Variants in DNAH5 observed in about 807,000 individuals in gnomAD.
DNAH5 encodes dynein axonemal heavy chain 5.
A neutral mutation model predicts 518.2 loss-of-function variants in DNAH5; 372 were observed. The ratio of observed to expected loss-of-function variants is 0.72; its 90% CI spans 0.66 to 0.78. The LOEUF (loss-of-function observed/expected upper bound fraction) is 0.78, where lower values mean the gene tolerates loss of function less well. DNAH5 is among the 30% of genes least tolerant of loss of function. The pLI is 0.00. For synonymous variants in DNAH5, 2,039 were observed against 2,025.9 expected (o/e 1.01, Z -0.17); for missense variants, 5,523 against 5,687.0 (o/e 0.97, Z 0.93).
chr5:14,001,904 A>ATT (rs200922477), intron 1 of DNAH5, among the ~76,000 whole-genome samples: 1 of 149,040 alleles, frequency 6.7e-6, no homozygotes, highest in Non-Finnish European at 1.5e-5. Flanking sequence ...GCTGGTGTTA[A>ATT]TTTGTTTTTT....
chr5:13,893,882 G>T (rs1018216087), intron 16 of DNAH5, among the ~76,000 whole-genome samples: 43 of 150,486 alleles, frequency 2.9e-4, no homozygotes, highest in Non-Finnish European at 1.8e-4. Flanking sequence ...ACACTGGCTA[G>T]GAGAGGACAA....
chr5:13,870,749 C>CA lies in DNAH5; in HGVS notation c.3834+17dup. ...CATGTAGAAATATTTCTATAATGAA[C>CA]AAATGATCATTAGTTACCTCAATAG... On this transcript the variant is annotated intron_variant, in intron 24 of 78. Coordinates refer to ENST00000265104, the MANE Select transcript of DNAH5 (RefSeq NM_001369.3). 6.3e-7 allele frequency: 1 copy of CA among 1,596,900 alleles called. No homozygotes were observed. The highest frequency in any genetic ancestry group is 8.6e-7 in the Non-Finnish European group (1 of 1,165,070).
Position 13,835,731 on chromosome 5 carries a change from G to C in DNAH5, c.5882+3625C>G, listed in dbSNP as rs78243970. Among the ~76,000 whole-genome samples the C allele has an allele frequency of 3.9e-3, 594 of 152,212 alleles. 6 individuals carry two copies. Among genetic ancestry groups the C allele is most frequent in the Middle Eastern group, 0.02 (6 of 294 alleles). ...ACCTACTGTTTTCCCCTGTTTACGT[G>C]GTTTTTCTCTCTCTGCTCGGAGCAC... On this transcript the variant is annotated intron_variant, in intron 35 of 78. Coordinates refer to ENST00000265104, the MANE Select transcript of DNAH5 (RefSeq NM_001369.3).
intron 5 of DNAH5, among the ~76,000 whole-genome samples, chr5:13,921,559 C>T (rs1056669486): frequency 7.0e-6 from 1 of 142,848 alleles, no homozygotes. Context: ...TAATCACAAA[C>T]ACAGACTTAT....
Position 13,967,993 on chromosome 5 carries a change from A to G in DNAH5, c.13-36749T>C, listed in dbSNP as rs537394482. On this transcript the variant is annotated intron_variant, in intron 1 of 78. Coordinates refer to the DNAH5 transcript ENST00000681290. Reference sequence around the variant, plus strand: ...GTTTGTGTTGTCTATGATTTCTTTCAGTAGTGTTCTGTAGTTTTCCTTGTA... The same window carrying G: ...GTTTGTGTTGTCTATGATTTCTTTCGGTAGTGTTCTGTAGTTTTCCTTGTA... 2.0e-5 allele frequency among the ~76,000 whole-genome samples: 3 copies of G among 152,278 alleles called. No individual in the cohort carries two copies. In the East Asian group the frequency reaches 5.8e-4, roughly 29 times the overall value.
At position 13,807,466 on chromosome 5, in the gene DNAH5, C is replaced by G. The variant is rs184994973; in HGVS notation, c.7887+125G>C. On this transcript the variant is annotated intron_variant, in intron 47 of 78. Transcript: ENST00000265104. ...AATAATTGAAAGAATGGAAGACGTA[C>G]GTGGGTGATTTATCATGGCTATGAA... The G allele has an allele frequency of 2.6e-4, 220 of 850,174 alleles. No individual in the cohort carries two copies. In the East Asian group the frequency reaches 5.5e-3, roughly 21 times the overall value. 52.7% of individuals were successfully genotyped at this position (850,174 alleles called of 1,614,324 possible). A position where few individuals can be genotyped will look rare whatever the true frequency, so the allele number is the denominator to read the frequency against.
chr5:13,882,489 G>A (rs1167737392), intron 21 of DNAH5, among the ~76,000 whole-genome samples: 1 of 152,070 alleles, frequency 6.6e-6, no homozygotes, highest in Non-Finnish European at 1.5e-5. Context: ...TTTATCCCCT[G>A]GATGCAAGAT....
intron 72 of DNAH5, 88 bp from the exon 73 acceptor site, chr5:13,717,608 C>T (rs1265292430): frequency 9.2e-7 from 1 of 1,092,190 alleles, no homozygotes; most frequent in East Asian, 2.6e-5. Context: ...TTTGTAAATC[C>T]CTGATATTAA....
chr5:13,907,490 T>C (rs1775466131), intron 12 of DNAH5, among the ~76,000 whole-genome samples: 1 of 152,048 alleles, frequency 6.6e-6, no homozygotes, highest in Non-Finnish European at 1.5e-5. Context: ...ATGATATTAA[T>C]CAAAGAATAA....
intron 65 of DNAH5, among the ~76,000 whole-genome samples, chr5:13,749,760 C>A (rs146392826): frequency 6.6e-6 from 1 of 152,246 alleles, no homozygotes; most frequent in African/African-American, 2.4e-5. Context: ...TCCACTTGCT[C>A]CAGGTCACAT....
intron 12 of DNAH5, among the ~76,000 whole-genome samples, chr5:13,909,491 C>T (rs935153255): frequency 6.6e-6 from 1 of 151,980 alleles, no homozygotes; most frequent in Non-Finnish European, 1.5e-5. Flanking sequence ...TCAACCACAG[C>T]CTCCTCTCTG....
intron 70 of DNAH5, among the ~76,000 whole-genome samples, chr5:13,723,993 G>T (rs1212029739): frequency 2.0e-5 from 3 of 152,178 alleles, no homozygotes; most frequent in Non-Finnish European, 4.4e-5. Context: ...ATGAGTCTGT[G>T]GGGCAAATGT....
chr5:13,818,706 T>G (rs1462620396), intron 41 of DNAH5, among the ~76,000 whole-genome samples: 1 of 152,224 alleles, frequency 6.6e-6, no homozygotes, highest in Non-Finnish European at 1.5e-5. Context: ...TGTTGAGTTT[T>G]AATTATCTCT....
intron 31 of DNAH5, among the ~76,000 whole-genome samples, chr5:13,848,601 A>C (rs1766386019): frequency 6.6e-6 from 1 of 152,200 alleles, no homozygotes; most frequent in Non-Finnish European, 1.5e-5. Flanking sequence ...CCTGCAACTA[A>C]ATGGTCCCAT....
At chr5:13,762,433 T>G (rs375607240) in intron 60 of DNAH5, among the ~76,000 whole-genome samples, 52 of 151,938 alleles carry the variant, frequency 3.4e-4, no homozygotes, top group African/African-American at 8.7e-4. Context: ...TTTGTTTTTT[T>G]CAAGTTAACA....
chr5:13,700,225 C>T (rs549111324), intron 78 of DNAH5, among the ~76,000 whole-genome samples: 1 of 152,342 alleles, frequency 6.6e-6, no homozygotes, highest in East Asian at 1.9e-4. Flanking sequence ...CTCCTTACCA[C>T]AGCCTACCCC....
At position 13,721,244 on chromosome 5, in the gene DNAH5, G is replaced by A; in HGVS notation, c.12035C>T (p.Ala4012Val). 1 of 1,614,026 alleles carries A rather than the reference G, an allele frequency of 6.2e-7. No individual in the cohort carries two copies. The change falls in exon 71 of 79, where the codon GCC becomes GTC. Residue 4012 changes from alanine to valine, a missense_variant and splice_region_variant. Ala to Val is a moderately conservative substitution (Grantham distance 64). Transcript: ENST00000265104. ...SWCPDRTIAQ[A>V]RKYIVDSMGE... ...CATGGAGTCCACGATGTACTTGCGG[G>A]CCTGCCAAAAACAGTATACAAGTCA...
rs545043113 is a variant in DNAH5 at position 13,781,184 on chromosome 5, T to C, written c.8821-225A>G. Among the ~76,000 whole-genome samples, 28 of 152,064 alleles carry C rather than the reference T, an allele frequency of 1.8e-4. 1 individual carries two copies. In the South Asian group the frequency reaches 3.3e-3, roughly 18 times the overall value. On this transcript the variant is annotated intron_variant, in intron 52 of 78. Coordinates refer to ENST00000265104, the MANE Select transcript of DNAH5 (RefSeq NM_001369.3). ...AACCGTGGGGTGTGCCTTTAGGAAG[T>C]AGGAGGACACCAGGGCAGAAAAGTC...
intron 5 of DNAH5, among the ~76,000 whole-genome samples, chr5:13,921,483 A>T (rs374871724): frequency 0.042 from 2,686 of 64,580 alleles, 126 homozygotes; most frequent in African/African-American, 0.13. Flanking sequence ...TCTCACACAC[A>T]CACACACACA....
Sources: gnomAD v4.1 joint callset for allele counts (sites outside exome capture counted in the v4.1 genomes callset) on GRCh38, gnomAD v4.1.1 for gene constraint, MANE v1.5 for transcripts, NCBI Gene and HGNC (gene_info 2026-07-23, HGNC 2026-07-21) for gene names.